Variants in CPNE1 observed in about 807,000 individuals in gnomAD.
CPNE1 encodes the protein copine-1.
A neutral mutation model predicts 63.2 loss-of-function variants in CPNE1; 58 were observed. That is an observed-to-expected ratio of 0.92 (90% CI 0.74 to 1.14). The LOEUF (loss-of-function observed/expected upper bound fraction) is 1.14. CPNE1 is among the 50% of genes most tolerant of loss of function. CPNE1 has a pLI of 0.00. For missense variants in CPNE1, 672 were observed against 661.7 expected, an observed-to-expected ratio of 1.02 and a Z score of -0.17; for synonymous variants, 237 against 249.0, an observed-to-expected ratio of 0.95 and a Z score of 0.45.
intron 1 of CPNE1, among the ~76,000 whole-genome samples, chr20:35,635,135 CA>C (rs2032415963): frequency 6.6e-6 from 1 of 151,932 alleles, no homozygotes; most frequent in Non-Finnish European, 1.5e-5. Context: ...TCCCTTTCCC[CA>C]CAAGTCTTTA....
At position 35,646,703 on chromosome 20, in the gene CPNE1, A is replaced by T. The variant is rs1443583121; in HGVS notation, c.1-13780T>A. On this transcript the variant is annotated intron_variant, in intron 1 of 15. Transcript: ENST00000397443. ...GAACAGCAGCAGAATGGAGGTAATGAACCATCAAGTAGCCCATTTGAATAC... is the reference window on the plus strand; with the variant it reads ...GAACAGCAGCAGAATGGAGGTAATGTACCATCAAGTAGCCCATTTGAATAC... 3.3e-5 allele frequency among the ~76,000 whole-genome samples: 5 copies of T among 152,334 alleles called. No homozygotes were observed. In the East Asian group the frequency reaches 9.6e-4, roughly 29 times the overall value.
rs1601415776 is a variant in CPNE1, at chr20:35,628,100, T to G, written c.1103-687A>C. ...ATTGAGACCATCCCAGCTAACACAGTGAAACCCCGTCTCTACTAAAAATAC... is the reference window on the plus strand; with the variant it reads ...ATTGAGACCATCCCAGCTAACACAGGGAAACCCCGTCTCTACTAAAAATAC... On this transcript the variant is annotated intron_variant, in intron 13 of 15. Coordinates refer to ENST00000397443, the MANE Select transcript of CPNE1 (RefSeq NM_152925.3). Among the ~76,000 whole-genome samples the G allele has an allele frequency of 6.0e-5, 9 of 150,644 alleles. No individual in the cohort carries two copies. In the South Asian group the frequency reaches 1.9e-3, roughly 32 times the overall value.
intron 1 of CPNE1, among the ~76,000 whole-genome samples, chr20:35,655,866 A>C (rs1397460399): frequency 6.6e-6 from 1 of 152,236 alleles, no homozygotes; most frequent in East Asian, 1.9e-4. Context: ...CTAGAATACT[A>C]ATGAATTGTA....
intron 13 of CPNE1, 79 bp from the exon 14 acceptor site, chr20:35,627,492 C>T: frequency 6.9e-7 from 1 of 1,453,782 alleles, no homozygotes; most frequent in Non-Finnish European, 9.3e-7. Context: ...CCCATCCCAG[C>T]CCAGGAGATC....
chr20:35,626,779 T>C lies in CPNE1; in HGVS notation c.1261A>G (p.Thr421Ala). Reference protein sequence around the residue: ...ASQYFMLLLLTDGAVTDVEAT... With the variant: ...ASQYFMLLLLADGAVTDVEAT... The stretch of plus-strand genomic sequence containing the variant: ...TCCACATCCGTCACAGCACCATCAG[T>C]CAGCAGCAACAGCATGAAGTATTGC... Residue 421 changes from threonine to alanine, a missense_variant, in exon 15 of 16, where the codon ACT (threonine) becomes GCT (alanine). By Grantham distance (58) the Thr-to-Ala change is moderately conservative. Coordinates refer to ENST00000397443, the MANE Select transcript of CPNE1 (RefSeq NM_152925.3). 3 of 1,614,030 alleles carry C rather than the reference T, an allele frequency of 1.9e-6. No individual in the cohort carries two copies. The highest frequency in any genetic ancestry group is 2.5e-6 in the Non-Finnish European group (3 of 1,179,978).
intron 1 of CPNE1, chr20:35,652,078 C>T (rs956970732): frequency 6.5e-6 from 1 of 154,950 alleles, no homozygotes; most frequent in Non-Finnish European, 1.4e-5. Context: ...TTAGACAAAG[C>T]TTTACCCTAT....
chr20:35,627,700 T>C (rs1382801231), intron 13 of CPNE1, among the ~76,000 whole-genome samples: 4 of 152,124 alleles, frequency 2.6e-5, no homozygotes, highest in Non-Finnish European at 5.9e-5. Context: ...TATTTAATAA[T>C]GATCCATTTG....
chr20:35,656,381 AT>A (rs2033896890), intron 1 of CPNE1, among the ~76,000 whole-genome samples: 2 of 152,148 alleles, frequency 1.3e-5, no homozygotes, highest in African/African-American at 4.8e-5. Flanking sequence ...AAATTTCAGT[AT>A]TTCAGTTCCA....
chr20:35,635,591 C>G (rs1249017885), intron 1 of CPNE1, among the ~76,000 whole-genome samples: 1 of 152,128 alleles, frequency 6.6e-6, no homozygotes, highest in African/African-American at 2.4e-5. Flanking sequence ...CCATAACAAT[C>G]ACCCTCAGAC....
chr20:35,640,439 C>A (rs981529620), intron 1 of CPNE1, among the ~76,000 whole-genome samples: 2 of 152,062 alleles, frequency 1.3e-5, no homozygotes, highest in Admixed American at 6.5e-5. Flanking sequence ...TTAAATATCA[C>A]ATTTGAGTCA....
intron 1 of CPNE1, among the ~76,000 whole-genome samples, chr20:35,656,357 G>A (rs1481141317): frequency 6.6e-6 from 1 of 152,106 alleles, no homozygotes; most frequent in Non-Finnish European, 1.5e-5. Context: ...AATCAAAAAA[G>A]AAATGTTCCC....
In CPNE1 at chr20:35,626,559, C is replaced by G. The variant is rs770623095; in HGVS notation, c.1473+8G>C. The stretch of plus-strand genomic sequence containing the variant: ...GTAAACTCCCAGATCAAATTTGCAC[C>G]TACTCACATTCTGGAACCGGCGGTA... On this transcript the variant is annotated splice_region_variant and intron_variant, in intron 15 of 15. Coordinates refer to ENST00000397443, the MANE Select transcript of CPNE1 (RefSeq NM_152925.3). 5 of 1,613,250 alleles carry G rather than the reference C, an allele frequency of 3.1e-6. No homozygotes were observed. The Admixed American group carries it at 8.3e-5, about 27-fold the overall frequency.
chr20:35,646,602 G>A (rs1287006043), intron 1 of CPNE1, among the ~76,000 whole-genome samples: 2 of 152,120 alleles, frequency 1.3e-5, no homozygotes, highest in Admixed American at 6.6e-5. Flanking sequence ...AGACAGCAGT[G>A]AAGGGGCTTC....
At chr20:35,661,818 G>A (rs552278323) in intron 1 of CPNE1, among the ~76,000 whole-genome samples, 2 of 152,284 alleles carry the variant, frequency 1.3e-5, no homozygotes, top group South Asian at 4.1e-4. Flanking sequence ...ACATCCAAAA[G>A]TGAACTTTAA....
intron 1 of CPNE1, chr20:35,655,097 T>C (rs899420979): frequency 1.2e-6 from 2 of 1,614,174 alleles, no homozygotes; most frequent in Non-Finnish European, 1.7e-6. Context: ...ATTTCCGTCT[T>C]ACTACTCAAC....
In CPNE1 at chr20:35,632,912, G is replaced by A. The variant is rs1601425970; in HGVS notation, c.12C>T (p.Cys4=). The change falls in exon 2 of 16, where the codon TGC becomes TGT. Residue 4 remains cysteine, a synonymous_variant. Transcript: ENST00000397443. MAH[C]VTLVQLSISC... is the part of the protein sequence containing the mutation. The stretch of plus-strand genomic sequence containing the variant: ...AAATGGACAGCTGAACCAAGGTCAC[G>A]CAGTGGGCCATCTGAGGGAAAAGGA... The A allele has an allele frequency of 4.6e-6, 4 of 872,256 alleles. No individual in the cohort carries two copies. The highest frequency in any genetic ancestry group is 2.6e-5 in the South Asian group (2 of 76,444). The allele number at this position is 872,256 out of a possible 1,614,324, so 54.0% of individuals were successfully genotyped here. A position where few individuals can be genotyped will look rare whatever the true frequency, so the allele number is the denominator to read the frequency against.
chr20:35,631,847 C>A, intron 6 of CPNE1, 70 bp from the exon 7 acceptor site: 1 of 1,540,142 alleles, frequency 6.5e-7, no homozygotes, highest in Non-Finnish European at 9.0e-7. Flanking sequence ...CACTTCTCTA[C>A]CCACCTGCAG....
At chr20:35,636,529 G>A (rs757386122) in intron 1 of CPNE1, among the ~76,000 whole-genome samples, 6 of 152,220 alleles carry the variant, frequency 3.9e-5, no homozygotes, top group Non-Finnish European at 8.8e-5. Context: ...GCCGGGCGCA[G>A]TGGCTCACTG....
chr20:35,632,838 AGTGG>A lies in CPNE1; in HGVS notation c.82_85del (p.Pro28SerfsTer53), dbSNP rs757333066. 39 of 872,822 alleles carry A rather than the reference AGTGG, an allele frequency of 4.5e-5. No individual in the cohort carries two copies. The highest frequency in any genetic ancestry group is 2.8e-5 in the Non-Finnish European group (14 of 501,670). The allele number at this position is 872,822 out of a possible 1,614,324, so 54.1% of individuals were successfully genotyped here. ...TCCCACATCCTGTAAAAGGACGCAG[AGTGG>A]GTCAGACTTGGAGCCGATGTCCTTG... On this transcript the variant is annotated frameshift_variant, in exon 2 of 16. Transcript: ENST00000397443. LOFTEE classifies it high-confidence loss of function.
Sources: allele counts gnomAD v4.1 joint callset (sites outside exome capture counted in the v4.1 genomes callset), GRCh38; gene constraint gnomAD v4.1.1; transcripts MANE v1.5; gene names NCBI Gene and HGNC (gene_info 2026-07-23, HGNC 2026-07-21).